Variants in MMP20 observed in about 807,000 individuals in gnomAD.
The protein encoded by MMP20 is matrix metallopeptidase 20.
A neutral mutation model predicts 51.8 loss-of-function variants in MMP20; 50 were observed. The observed-to-expected ratio is 0.97, with a 90% CI of 0.77 to 1.22. The LOEUF is 1.22. Among genes scored for constraint, MMP20 ranks in the 50% most tolerant of loss-of-function variants. MMP20 has a pLI of 0.00. For synonymous variants in MMP20, 244 were observed against 216.2 expected (o/e 1.13, Z -1.13); for missense variants, 663 against 601.4 (o/e 1.10, Z -1.07).
intron 8 of MMP20, among the ~76,000 whole-genome samples, chr11:102,581,392 G>C (rs1188799020): frequency 6.6e-6 from 1 of 152,100 alleles, no homozygotes; most frequent in Non-Finnish European, 1.5e-5. Context: ...TGGTAGGCAA[G>C]GTTGAGAAGG....
At chr11:102,600,569 T>C (rs1220158576) in intron 6 of MMP20, among the ~76,000 whole-genome samples, 1 of 152,156 alleles carries the variant, frequency 6.6e-6, no homozygotes, top group Admixed American at 6.5e-5. Flanking sequence ...CTGCAACCTC[T>C]GCCTCCAGGG....
chr11:102,611,629 G>T, intron 3 of MMP20, 126 bp downstream of exon 3: 2 of 1,157,886 alleles, frequency 1.7e-6, no homozygotes, highest in Non-Finnish European at 2.5e-6. Context: ...CCATGGTCTT[G>T]GCCTTGGCCC....
At chr11:102,580,765 T>C (rs1859183395) in intron 8 of MMP20, among the ~76,000 whole-genome samples, 1 of 152,154 alleles carries the variant, frequency 6.6e-6, no homozygotes, top group Admixed American at 6.5e-5. Flanking sequence ...CTACCACCTG[T>C]TTTCACACTC....
intron 2 of MMP20, among the ~76,000 whole-genome samples, chr11:102,616,136 G>T (rs932656886): frequency 2.0e-5 from 3 of 152,130 alleles, no homozygotes; most frequent in Non-Finnish European, 4.4e-5. Flanking sequence ...AAGAGGGCAG[G>T]GAAGGAGTGA....
At chr11:102,617,395 T>C (rs906732052) in intron 1 of MMP20, among the ~76,000 whole-genome samples, 1 of 152,250 alleles carries the variant, frequency 6.6e-6, no homozygotes, top group Non-Finnish European at 1.5e-5. Context: ...AGGAAGCTGA[T>C]GTGAACATTA....
intron 1 of MMP20, among the ~76,000 whole-genome samples, chr11:102,620,870 G>A (rs529591252): frequency 5.3e-5 from 8 of 152,310 alleles, no homozygotes; most frequent in Admixed American, 2.0e-4. Flanking sequence ...ATGGGTGGGT[G>A]GCAGATAGCT....
At chr11:102,586,082 T>C (rs1038033816) in intron 8 of MMP20, among the ~76,000 whole-genome samples, 1 of 152,184 alleles carries the variant, frequency 6.6e-6, no homozygotes. Flanking sequence ...TGTTTCTGTG[T>C]GGTTTTGGTA....
At chr11:102,612,683 G>T (rs1364774080) in intron 2 of MMP20, among the ~76,000 whole-genome samples, 1 of 147,028 alleles carries the variant, frequency 6.8e-6, no homozygotes, top group Non-Finnish European at 1.5e-5. Flanking sequence ...ATTGGGGAAG[G>T]TTTTTTTTTC....
At chr11:102,616,712 G>T in intron 2 of MMP20, 100 bp downstream of exon 2, 1 of 1,499,166 alleles carries the variant, frequency 6.7e-7, no homozygotes, top group Non-Finnish European at 9.2e-7. Context: ...TGAGGTGTCA[G>T]GATTTTTATA....
chr11:102,577,195 C>T lies in MMP20; in HGVS notation c.*131G>A, dbSNP rs1368503412. On this transcript the variant is annotated 3_prime_UTR_variant, in exon 10 of 10. Transcript: ENST00000260228. The stretch of plus-strand genomic sequence containing the variant: ...GAAAAAAATTGGAAGTATTATTATT[C>T]TCAGTGAATTCTAATTTGATTTGAA... The T allele has an allele frequency of 5.9e-6, 4 of 680,112 alleles. No individual in the cohort carries two copies. Among genetic ancestry groups the T allele is most frequent in the Non-Finnish European group, 1.1e-5 (4 of 377,978 alleles). The allele number at this position is 680,112 out of a possible 1,614,324, so 42.1% of individuals were successfully genotyped here.
At chr11:102,611,189 G>A (rs1414286429) in intron 3 of MMP20, among the ~76,000 whole-genome samples, 1 of 152,212 alleles carries the variant, frequency 6.6e-6, no homozygotes, top group African/African-American at 2.4e-5. Flanking sequence ...CACTAGAAAT[G>A]TTATCTGAGG....
chr11:102,622,456 C>T (rs750644048), intron 1 of MMP20, among the ~76,000 whole-genome samples: 10 of 152,166 alleles, frequency 6.6e-5, no homozygotes, highest in African/African-American at 9.7e-5. Flanking sequence ...CTGTTTCCTC[C>T]GTCTGGACTG....
chr11:102,594,368 C>T (rs1859354037), intron 7 of MMP20, among the ~76,000 whole-genome samples: 1 of 152,200 alleles, frequency 6.6e-6, no homozygotes, highest in African/African-American at 2.4e-5. Flanking sequence ...TTCTAGCTCC[C>T]TAGGCACTAT....
intron 6 of MMP20, among the ~76,000 whole-genome samples, chr11:102,599,008 CTATCT>C (rs1591614672): frequency 8.6e-6 from 1 of 116,144 alleles, no homozygotes; most frequent in East Asian, 2.9e-4. Flanking sequence ...TGTCTTTCTT[CTATCT>C]TTTTTTTTTT....
Position 102,593,344 on chromosome 11 carries a change from A to G in MMP20, c.1247+95T>C, listed in dbSNP as rs1859339698. ...CGAGAAGAGTCAACGGGCCTATCGC[A>G]AACTTGCTTTGCATTCTTTCGTGGA... is the stretch of plus-strand genomic sequence containing the variant. On this transcript the variant is annotated intron_variant, in intron 8 of 9. Transcript: ENST00000260228. 16 of 1,398,992 alleles carry G rather than the reference A, an allele frequency of 1.1e-5. No individual in the cohort carries two copies. The South Asian group carries it at 2.0e-4, about 17-fold the overall frequency. 86.7% of individuals were successfully genotyped at this position (1,398,992 alleles called of 1,614,324 possible). A position where few individuals can be genotyped will look rare whatever the true frequency, so the allele number is the denominator to read the frequency against.
At chr11:102,613,641 G>C (rs1047683625) in intron 2 of MMP20, among the ~76,000 whole-genome samples, 2 of 152,096 alleles carry the variant, frequency 1.3e-5, no homozygotes, top group African/African-American at 4.8e-5. Context: ...GTAATCCTAG[G>C]GTCCCAAATG....
intron 8 of MMP20, among the ~76,000 whole-genome samples, chr11:102,585,310 C>G (rs1026259699): frequency 6.6e-6 from 1 of 152,098 alleles, no homozygotes; most frequent in Admixed American, 6.5e-5. Context: ...TACAAAACAA[C>G]ATTTTCCATT....
chr11:102,594,551 G>C (rs1859356417), intron 7 of MMP20, 70 bp downstream of exon 7: 45 of 1,591,922 alleles, frequency 2.8e-5, no homozygotes, highest in Middle Eastern at 2.1e-4. Context: ...ATGCTGGCAG[G>C]GCTAGATATG....
chr11:102,608,508 G>A (rs1252290582), intron 5 of MMP20, among the ~76,000 whole-genome samples: 1 of 152,166 alleles, frequency 6.6e-6, no homozygotes, highest in East Asian at 1.9e-4. Context: ...ACATGAACCT[G>A]TTTTGTAAAC....
Sources: allele counts gnomAD v4.1 joint callset (sites outside exome capture counted in the v4.1 genomes callset), GRCh38; gene constraint gnomAD v4.1.1; transcripts MANE v1.5; gene names NCBI Gene and HGNC (gene_info 2026-07-23, HGNC 2026-07-21).